TNRC18: variants seen among roughly 807,000 people sequenced by gnomAD.
TNRC18 encodes trinucleotide repeat containing 18.
Under a neutral mutation model 226.7 loss-of-function variants are expected in TNRC18, and 69 were observed. That is an observed-to-expected ratio of 0.30 (90% CI 0.25 to 0.37). The LOEUF (loss-of-function observed/expected upper bound fraction) is 0.37, where lower values mean the gene tolerates loss of function less well. Among genes scored for constraint, TNRC18 ranks in the 10% least tolerant of loss-of-function variants. The pLI is 1.00. For synonymous variants in TNRC18, 2,449 were observed against 1,927.6 expected, an observed-to-expected ratio of 1.27 and a Z score of -7.09; for missense variants, 4,754 against 4,256.6, an observed-to-expected ratio of 1.12 and a Z score of -3.25.
At chr7:5,376,733 C>A in intron 8 of TNRC18, 114 bp downstream of exon 8, 1 of 1,340,248 alleles carries the variant, frequency 7.5e-7, no homozygotes, top group Non-Finnish European at 1.0e-6. Flanking sequence ...GTCCGCCTCC[C>A]CAGCCCCAGA....
chr7:5,418,018 G>A (rs1782298370), intron 2 of TNRC18, among the ~76,000 whole-genome samples: 1 of 152,152 alleles, frequency 6.6e-6, no homozygotes, highest in Non-Finnish European at 1.5e-5. Flanking sequence ...CCAGAGTGCA[G>A]GGTCTCCCCA....
intron 17 of TNRC18, among the ~76,000 whole-genome samples, chr7:5,348,566 G>A (rs1218968535): frequency 1.3e-5 from 2 of 152,012 alleles, no homozygotes; most frequent in Non-Finnish European, 2.9e-5. Context: ...CTCATGTATT[G>A]GAGACAGCCC....
chr7:5,382,550 C>T (rs1181107393), intron 5 of TNRC18, among the ~76,000 whole-genome samples: 1 of 144,412 alleles, frequency 6.9e-6, no homozygotes, highest in East Asian at 1.9e-4. Context: ...GGAAGCGGAT[C>T]GGGGGGGAGT....
At chr7:5,422,220 A>G (rs942982197) in intron 1 of TNRC18, among the ~76,000 whole-genome samples, 10 of 152,000 alleles carry the variant, frequency 6.6e-5, no homozygotes, top group African/African-American at 2.4e-4. Context: ...TCATTTTCCA[A>G]CGCCCTGGCC....
intron 11 of TNRC18, among the ~76,000 whole-genome samples, chr7:5,364,920 T>C (rs1376024848): frequency 6.6e-6 from 1 of 152,122 alleles, no homozygotes; most frequent in Non-Finnish European, 1.5e-5. Flanking sequence ...CTCCTCATTA[T>C]GAGCTTGGAC....
At position 5,362,643 on chromosome 7, in the gene TNRC18, C is replaced by A. The variant is rs749569043; in HGVS notation, c.4395+7G>T. On this transcript the variant is annotated splice_region_variant and intron_variant, in intron 12 of 29. Coordinates refer to ENST00000430969, the MANE Select transcript of TNRC18 (RefSeq NM_001080495.3). The stretch of plus-strand genomic sequence containing the variant: ...GGACCCCAGGGAGGAAGCAGCCAGC[C>A]GCTCACCCGCTCCTCCTTCTTGCGC... 1.2e-5 allele frequency: 19 copies of A among 1,552,296 alleles called. 1 individual carries two copies. The Admixed American group carries it at 1.7e-4, about 14-fold the overall frequency.
intron 18 of TNRC18, among the ~76,000 whole-genome samples, chr7:5,334,940 A>T (rs1789934043): frequency 6.6e-6 from 1 of 152,116 alleles, no homozygotes; most frequent in Non-Finnish European, 1.5e-5. Flanking sequence ...TAGAAAAGAA[A>T]TAGAGTCCCG....
At position 5,309,091 on chromosome 7, in the gene TNRC18, A is replaced by G. The variant is rs750673224; in HGVS notation, c.8625+41T>C. 33 of 1,553,182 alleles carry G rather than the reference A, an allele frequency of 2.1e-5. No homozygotes were observed. Among genetic ancestry groups the G allele is most frequent in the African/African-American group, 2.7e-5 (2 of 73,166 alleles). ...CGCCTCGCCCTCAGGTCTGCCCTAC[A>G]CCGCCTAGGACTGGGGGCCGCAGCC... On this transcript the variant is annotated intron_variant, in intron 28 of 29. Transcript: ENST00000430969. The surrounding 1 kb of genome is among the most constrained non-coding windows in gnomAD (Gnocchi z 5.7).
intron 5 of TNRC18, among the ~76,000 whole-genome samples, chr7:5,384,692 C>A (rs1348030466): frequency 6.6e-6 from 1 of 152,122 alleles, no homozygotes; most frequent in Non-Finnish European, 1.5e-5. Flanking sequence ...CCAGGGGGGC[C>A]CACAGCCCCA....
chr7:5,311,140 ACTTG>A (rs369759617), intron 27 of TNRC18, among the ~76,000 whole-genome samples: 42 of 152,226 alleles, frequency 2.8e-4, no homozygotes, highest in African/African-American at 8.9e-4. Context: ...ATGTGTGTAT[ACTTG>A]CTTTTGTGTG....
At chr7:5,342,322 G>A (rs544193707) in intron 18 of TNRC18, among the ~76,000 whole-genome samples, 7 of 151,994 alleles carry the variant, frequency 4.6e-5, no homozygotes, top group East Asian at 3.9e-4. Flanking sequence ...CCAGCTACTC[G>A]GGAGGCTAAG....
chr7:5,370,596 G>C lies in TNRC18; in HGVS notation c.3998C>G (p.Pro1333Arg). ...GCCAGCCAGTGGGTCCTCCAGACTG[G>C]GCAGGAACTGGTCAGAGCTTGCCTC... ...LEEASSDQFLPSLEDPLAGMN... is the reference protein window; with the variant it reads ...LEEASSDQFLRSLEDPLAGMN... Residue 1333 changes from proline (P) to arginine (R), a missense_variant, in exon 11 of 30, where the codon CCC (proline) becomes CGC (arginine). By Grantham distance (103) the Pro-to-Arg change is moderately radical. Transcript: ENST00000430969. The C allele has an allele frequency of 6.2e-7, 1 of 1,613,352 alleles. No homozygotes were observed. Among genetic ancestry groups the C allele is most frequent in the African/African-American group, 1.3e-5 (1 of 75,068 alleles).
At chr7:5,397,739 T>C (rs566842498) in intron 2 of TNRC18, among the ~76,000 whole-genome samples, 4 of 152,190 alleles carry the variant, frequency 2.6e-5, no homozygotes, top group African/African-American at 7.2e-5. Flanking sequence ...CGGGTCTCCC[T>C]GGGCCCCAGA....
At position 5,359,383 on chromosome 7, in the gene TNRC18, G is replaced by A. The variant is rs1417464044; in HGVS notation, c.4833+15C>T. 1 of 1,613,676 alleles carries A rather than the reference G, an allele frequency of 6.2e-7. No homozygotes were observed. The highest frequency in any genetic ancestry group is 8.5e-7 in the Non-Finnish European group (1 of 1,179,774). On this transcript the variant is annotated intron_variant, in intron 15 of 29. Transcript: ENST00000430969. The stretch of plus-strand genomic sequence containing the variant: ...CCTGAAAGATCTCACACACCTGGAA[G>A]ACTGGGTTACTCACCTGACTGATGA...
At position 5,376,112 on chromosome 7, in the gene TNRC18, G is replaced by A; in HGVS notation, c.2721C>T (p.Phe907=). The A allele has an allele frequency of 1.9e-6, 3 of 1,592,062 alleles. No homozygotes were observed. The highest frequency in any genetic ancestry group is 1.7e-6 in the Non-Finnish European group (2 of 1,170,246). ...QQLQLFSQQH[F]LRQQEFLYLQ... is the part of the protein sequence containing the mutation. ...GGTACAGGAACTCCTGCTGCCGCAGGAAGTGCTGCTGTGAGAAGAGCTGCA... is the reference window on the plus strand; with the variant it reads ...GGTACAGGAACTCCTGCTGCCGCAGAAAGTGCTGCTGTGAGAAGAGCTGCA... The change falls in exon 9 of 30, where the codon TTC becomes TTT. Residue 907 remains phenylalanine (F), a synonymous_variant. Coordinates refer to ENST00000430969, the MANE Select transcript of TNRC18 (RefSeq NM_001080495.3).
At chr7:5,351,158 G>T (rs370509586) in intron 17 of TNRC18, among the ~76,000 whole-genome samples, 2 of 151,950 alleles carry the variant, frequency 1.3e-5, no homozygotes, top group Non-Finnish European at 2.9e-5. Flanking sequence ...AGCGGCAGGC[G>T]GCACGGTCCC....
In TNRC18 at chr7:5,324,189, C is replaced by T. The variant is rs532227627; in HGVS notation, c.6442+25G>A. ...GGGAGGCTCCAGCAGCCCCGCCCGG[C>T]ACATGTGGCATCACGGCCACTCACC... On this transcript the variant is annotated intron_variant, in intron 21 of 29. Transcript: ENST00000430969. This position sits in a 1 kb window ranked among gnomAD's most constrained non-coding sequence, Gnocchi z 4.8. 2.5e-6 allele frequency: 4 copies of T among 1,578,436 alleles called. No homozygotes were observed. The East Asian group carries it at 9.3e-5, about 37-fold the overall frequency.
intron 19 of TNRC18, among the ~76,000 whole-genome samples, chr7:5,330,940 G>T (rs1019237303): frequency 2.0e-5 from 3 of 152,166 alleles, no homozygotes; most frequent in Non-Finnish European, 4.4e-5. Flanking sequence ...CTCCCAAAGT[G>T]CTGGGATTAC....
intron 19 of TNRC18, among the ~76,000 whole-genome samples, chr7:5,327,946 G>A: frequency 6.6e-6 from 1 of 152,178 alleles, no homozygotes; most frequent in East Asian, 1.9e-4. Context: ...TGACAGCCAG[G>A]CGCGGTGGCT....
Sources: gnomAD v4.1 joint callset for allele counts (sites outside exome capture counted in the v4.1 genomes callset) on GRCh38, gnomAD v4.1.1 for gene constraint, Gnocchi (gnomAD v3.1) non-coding constraint, MANE v1.5 for transcripts, NCBI Gene and HGNC (gene_info 2026-07-23, HGNC 2026-07-21) for gene names.